NAALADL2: variants seen among roughly 807,000 people sequenced by gnomAD.
The protein encoded by NAALADL2 is inactive N-acetylated-alpha-linked acidic dipeptidase-like protein 2.
A neutral mutation model predicts 87.2 loss-of-function variants in NAALADL2; 76 were observed. That is an observed-to-expected ratio of 0.87 (90% CI 0.72 to 1.05). The LOEUF (loss-of-function observed/expected upper bound fraction) is 1.05, where lower values mean the gene tolerates loss of function less well. Among genes scored for constraint, NAALADL2 ranks in the 50% least tolerant of loss-of-function variants. The probability of loss-of-function intolerance (pLI) is 0.00; values close to 1 mark genes in which losing one functional copy is unlikely to be tolerated. For synonymous variants in NAALADL2, 354 were observed against 331.0 expected (o/e 1.07, Z -0.75); for missense variants, 1,089 against 945.8 (o/e 1.15, Z -1.99).
intron 1 of NAALADL2, among the ~76,000 whole-genome samples, chr3:175,008,214 C>T (rs1047872071): frequency 6.6e-6 from 1 of 151,612 alleles, no homozygotes; most frequent in Non-Finnish European, 1.5e-5. Context: ...CACTTCTATA[C>T]AAAAAAAATT....
chr3:175,127,614 A>C (rs547681827), intron 2 of NAALADL2, among the ~76,000 whole-genome samples: 1 of 152,084 alleles, frequency 6.6e-6, no homozygotes, highest in Non-Finnish European at 1.5e-5. Context: ...GTGACCCCTT[A>C]TCTGGAAATA....
intron 1 of NAALADL2, among the ~76,000 whole-genome samples, chr3:174,930,762 C>T (rs1431781633): frequency 6.6e-6 from 1 of 151,266 alleles, no homozygotes; most frequent in Non-Finnish European, 1.5e-5. Context: ...GCTGGGACTA[C>T]AGGCACCCGC....
chr3:175,501,984 T>C (rs1283028205), intron 9 of NAALADL2, among the ~76,000 whole-genome samples: 1 of 151,924 alleles, frequency 6.6e-6, no homozygotes, highest in Non-Finnish European at 1.5e-5. Context: ...TCAAAAGCGA[T>C]AGTAAGATCA....
chr3:174,941,911 C>A (rs1022369267), intron 1 of NAALADL2, among the ~76,000 whole-genome samples: 1 of 151,972 alleles, frequency 6.6e-6, no homozygotes, highest in Non-Finnish European at 1.5e-5. Flanking sequence ...TGTGAGATGA[C>A]TCTCTTGAAG....
intron 2 of NAALADL2, among the ~76,000 whole-genome samples, chr3:174,617,229 A>G (rs1008627552): frequency 1.3e-5 from 2 of 151,792 alleles, no homozygotes; most frequent in African/African-American, 4.8e-5. Flanking sequence ...TCTCTAACTC[A>G]GAATATTTTT....
chr3:174,506,636 G>A (rs1719225023), intron 1 of NAALADL2, among the ~76,000 whole-genome samples: 1 of 151,998 alleles, frequency 6.6e-6, no homozygotes, highest in Non-Finnish European at 1.5e-5. Flanking sequence ...AATTAAAAAT[G>A]ATAAAATTTT....
Position 175,324,222 on chromosome 3 carries a change from C to T in NAALADL2, c.987C>T (p.Ile329=), listed in dbSNP as rs772248570. 58 of 1,613,378 alleles carry T rather than the reference C, an allele frequency of 3.6e-5. No homozygotes were observed. Among genetic ancestry groups the T allele is most frequent in the Non-Finnish European group, 4.5e-5 (53 of 1,179,590 alleles). Residue 329 remains isoleucine, a synonymous_variant, in exon 5 of 14, where the codon ATC becomes ATT. Transcript: ENST00000454872. ...GATTTGGAGGTGTTCTTCTGTATAT[C>T]GATCCTTGTGATTTGCCAAAGACTG... The part of the protein sequence containing the change: ...KAGFGGVLLY[I]DPCDLPKTVN...
intron 3 of NAALADL2, among the ~76,000 whole-genome samples, chr3:174,746,452 C>A (rs2109023655): frequency 6.6e-6 from 1 of 152,188 alleles, no homozygotes; most frequent in South Asian, 2.1e-4. Flanking sequence ...AATGGAAAAA[C>A]ATTCCATGCT....
At chr3:175,646,815 C>T (rs1397987371) in intron 11 of NAALADL2, among the ~76,000 whole-genome samples, 1 of 151,980 alleles carries the variant, frequency 6.6e-6, no homozygotes, top group African/African-American at 2.4e-5. Context: ...ATAGTTTCCC[C>T]TTGTTTTCAG....
chr3:175,181,669 T>G (rs1412006629), intron 2 of NAALADL2, among the ~76,000 whole-genome samples: 3 of 125,570 alleles, frequency 2.4e-5, no homozygotes, highest in African/African-American at 9.4e-5. Context: ...CTGAATAGTA[T>G]TCCATTGGCA....
At chr3:175,802,035 A>G (rs1215464337) in intron 13 of NAALADL2, among the ~76,000 whole-genome samples, 2 of 152,120 alleles carry the variant, frequency 1.3e-5, no homozygotes, top group Non-Finnish European at 2.9e-5. Flanking sequence ...CTAATGGTCA[A>G]CTGTGTTGCC....
intron 5 of NAALADL2, among the ~76,000 whole-genome samples, chr3:175,432,490 ACT>A (rs1305559985): frequency 2.0e-5 from 3 of 151,844 alleles, no homozygotes; most frequent in Non-Finnish European, 2.9e-5. Flanking sequence ...CATAATAAAG[ACT>A]CTATAATTTT....
intron 3 of NAALADL2, among the ~76,000 whole-genome samples, chr3:174,782,915 A>T (rs1716165773): frequency 6.6e-6 from 1 of 152,072 alleles, no homozygotes; most frequent in Non-Finnish European, 1.5e-5. Flanking sequence ...TGAAGATGAG[A>T]TTTGGATTGA....
At chr3:174,838,498 A>G (rs984131084) in intron 3 of NAALADL2, among the ~76,000 whole-genome samples, 1 of 152,176 alleles carries the variant, frequency 6.6e-6, no homozygotes, top group African/African-American at 2.4e-5. Context: ...AGCAAGAGCA[A>G]TCAGACAAGA....
chr3:175,364,596 A>C (rs1159539537), intron 5 of NAALADL2, among the ~76,000 whole-genome samples: 1 of 147,576 alleles, frequency 6.8e-6, no homozygotes, highest in East Asian at 2.0e-4. Context: ...TTATTTTTGG[A>C]ATGCAGCAGC....
At chr3:175,639,504 T>A (rs1271297501) in intron 11 of NAALADL2, among the ~76,000 whole-genome samples, 2 of 151,942 alleles carry the variant, frequency 1.3e-5, no homozygotes, top group African/African-American at 4.8e-5. Context: ...GTATTTTTAG[T>A]AGATACGGGG....
intron 11 of NAALADL2, among the ~76,000 whole-genome samples, chr3:175,633,934 A>G (rs889575599): frequency 6.6e-6 from 1 of 151,816 alleles, no homozygotes; most frequent in East Asian, 1.9e-4. Flanking sequence ...AGTAGTAGGA[A>G]TAATATGGTA....
chr3:175,014,665 T>C (rs1374914152), intron 1 of NAALADL2, among the ~76,000 whole-genome samples: 1 of 152,164 alleles, frequency 6.6e-6, no homozygotes, highest in Non-Finnish European at 1.5e-5. Flanking sequence ...CACCTGAAAC[T>C]CCTTCTATTC....
intron 2 of NAALADL2, chr3:174,632,041 A>G (rs1722162372): frequency 6.6e-6 from 1 of 152,210 alleles, no homozygotes; most frequent in South Asian, 2.1e-4. Flanking sequence ...CTTGTTCATA[A>G]TTTATTCAAA....
Sources: allele counts gnomAD v4.1 joint callset (sites outside exome capture counted in the v4.1 genomes callset), GRCh38; gene constraint gnomAD v4.1.1; transcripts MANE v1.5; gene names NCBI Gene and HGNC (gene_info 2026-07-23, HGNC 2026-07-21).